STK39: variants seen among roughly 807,000 people sequenced by gnomAD.
STK39 encodes the protein STE20/SPS1-related proline-alanine-rich protein kinase.
A neutral mutation model predicts 77.8 loss-of-function variants in STK39; 20 were observed. That is an observed-to-expected ratio of 0.26 (90% CI 0.18 to 0.37). The LOEUF (loss-of-function observed/expected upper bound fraction) is 0.37, where lower values mean the gene tolerates loss of function less well. Among genes scored for constraint, STK39 ranks in the 10% least tolerant of loss-of-function variants. STK39 has a pLI of 1.00. For synonymous variants in STK39, 246 were observed against 234.1 expected, an observed-to-expected ratio of 1.05 and a Z score of -0.47; for missense variants, 479 against 656.5, an observed-to-expected ratio of 0.73 and a Z score of 2.95.
chr2:168,053,426 T>C (rs1409341840), intron 14 of STK39, among the ~76,000 whole-genome samples: 1 of 152,072 alleles, frequency 6.6e-6, no homozygotes, highest in Non-Finnish European at 1.5e-5. Context: ...TAGAAAAAAG[T>C]CTGGAAAAAT....
chr2:168,068,628 G>A (rs549161351), intron 12 of STK39, among the ~76,000 whole-genome samples: 2 of 152,304 alleles, frequency 1.3e-5, no homozygotes, highest in Admixed American at 6.5e-5. Context: ...TCTATAAATC[G>A]AAAATTATTC....
At chr2:168,118,692 C>T (rs548704783) in intron 10 of STK39, among the ~76,000 whole-genome samples, 7 of 151,768 alleles carry the variant, frequency 4.6e-5, no homozygotes, top group Non-Finnish European at 7.4e-5. Flanking sequence ...GCTCTTTCCT[C>T]TACCCTCACC....
intron 1 of STK39, among the ~76,000 whole-genome samples, chr2:168,246,169 G>A (rs1351503056): frequency 1.3e-5 from 2 of 152,052 alleles, no homozygotes; most frequent in Non-Finnish European, 2.9e-5. Flanking sequence ...CAAGATTCTG[G>A]AAAGGCAACA....
At chr2:167,972,546 C>T (rs74613032) in intron 16 of STK39, among the ~76,000 whole-genome samples, 5,848 of 152,160 alleles carry the variant, frequency 0.038, 406 homozygotes, top group African/African-American at 0.13. Flanking sequence ...TACTTTCTGG[C>T]ACCATAACTG....
intron 14 of STK39, among the ~76,000 whole-genome samples, chr2:168,049,710 C>T (rs1304626595): frequency 2.6e-5 from 4 of 152,196 alleles, no homozygotes; most frequent in Non-Finnish European, 5.9e-5. Context: ...GCAGTAAATG[C>T]TATCCATAAT....
intron 16 of STK39, among the ~76,000 whole-genome samples, chr2:167,974,106 T>C (rs1683198252): frequency 6.6e-6 from 1 of 152,186 alleles, no homozygotes; most frequent in South Asian, 2.1e-4. Context: ...TTTCATGTAA[T>C]ATTAAAAGAT....
intron 1 of STK39, among the ~76,000 whole-genome samples, chr2:168,182,772 G>A (rs116287837): frequency 0.024 from 3,580 of 152,150 alleles, 89 homozygotes; most frequent in East Asian, 0.076. Context: ...AATGATTTGC[G>A]GCAGAGCACA....
chr2:167,997,319 A>G lies in STK39; in HGVS notation c.1498+15315T>C, dbSNP rs140990260. 3.4e-3 allele frequency among the ~76,000 whole-genome samples: 514 copies of G among 152,012 alleles called. 3 individuals are homozygous for G. The highest frequency in any genetic ancestry group is 0.012 in the African/African-American group (479 of 41,418). ...TGGGGAAACTGCAGGGTGGCTTTAT[A>G]TTCTCTGACTGATACGGTATTTTGT... On this transcript the variant is annotated intron_variant, in intron 16 of 17. Transcript: ENST00000355999.
At chr2:168,006,413 T>C (rs1574385583) in intron 16 of STK39, among the ~76,000 whole-genome samples, 1 of 152,226 alleles carries the variant, frequency 6.6e-6, no homozygotes, top group African/African-American at 2.4e-5. Context: ...TTTTCTTTTG[T>C]ACATATGAAT....
chr2:168,246,216 C>T (rs1690895589), intron 1 of STK39, among the ~76,000 whole-genome samples: 1 of 152,116 alleles, frequency 6.6e-6, no homozygotes, highest in Non-Finnish European at 1.5e-5. Context: ...ACGCTGAGGG[C>T]CCACTTAACC....
rs186452201 is a variant in STK39, at chr2:167,954,346, C to T, written c.*1150G>A. ...ACTAGTTCCATAATATACAGTCAAG[C>T]AGAGGGCTACTTGGGTTGAAAGTAT... On this transcript the variant is annotated 3_prime_UTR_variant, in exon 18 of 18. Coordinates refer to ENST00000355999, the MANE Select transcript of STK39 (RefSeq NM_013233.3). 6.6e-6 allele frequency: 1 copy of T among 152,554 alleles called. No homozygotes were observed. The highest frequency in any genetic ancestry group is 6.5e-5 in the Admixed American group (1 of 15,276). 9.5% of individuals were successfully genotyped at this position (152,554 alleles called of 1,614,324 possible). A position where few individuals can be genotyped will look rare whatever the true frequency, so the allele number is the denominator to read the frequency against.
chr2:168,224,154 A>G (rs1447358806), intron 1 of STK39, among the ~76,000 whole-genome samples: 5 of 152,128 alleles, frequency 3.3e-5, no homozygotes, highest in Non-Finnish European at 7.3e-5. Context: ...AGAAAAGAGT[A>G]ATGAAAATTA....
intron 10 of STK39, among the ~76,000 whole-genome samples, chr2:168,107,669 C>A (rs1306008415): frequency 6.6e-6 from 1 of 152,214 alleles, no homozygotes; most frequent in Non-Finnish European, 1.5e-5. Flanking sequence ...CTCTGCTTCA[C>A]AGGTACACTG....
intron 8 of STK39, among the ~76,000 whole-genome samples, chr2:168,133,236 T>C (rs555774323): frequency 3.6e-4 from 55 of 152,254 alleles, no homozygotes; most frequent in Non-Finnish European, 5.7e-4. Context: ...AGCAAGGTCA[T>C]TGCCATGGTA....
chr2:168,229,474 A>T (rs897104956), intron 1 of STK39, among the ~76,000 whole-genome samples: 5 of 150,858 alleles, frequency 3.3e-5, no homozygotes, highest in African/African-American at 1.2e-4. Context: ...AACAAGAACT[A>T]AAAAAAATGA....
At chr2:168,203,650 T>A (rs1689666283) in intron 1 of STK39, among the ~76,000 whole-genome samples, 1 of 152,178 alleles carries the variant, frequency 6.6e-6, no homozygotes, top group South Asian at 2.1e-4. Context: ...TGGAGTACAG[T>A]GGTACAATCT....
chr2:168,236,356 T>A (rs1487362489), intron 1 of STK39, among the ~76,000 whole-genome samples: 2,560 of 152,292 alleles, frequency 0.017, 83 homozygotes, highest in African/African-American at 0.059. Context: ...TATTAGCCCT[T>A]TGTCAGATGA....
intron 10 of STK39, among the ~76,000 whole-genome samples, chr2:168,100,879 A>G (rs1686805259): frequency 6.6e-6 from 1 of 152,224 alleles, no homozygotes; most frequent in Non-Finnish European, 1.5e-5. Flanking sequence ...AGGATTATAA[A>G]TCATACTACT....
chr2:168,005,008 T>C (rs1000040230), intron 16 of STK39, among the ~76,000 whole-genome samples: 1 of 137,924 alleles, frequency 7.3e-6, no homozygotes, highest in African/African-American at 2.7e-5. Context: ...TTTTTTTTTT[T>C]TTTTTTTTTT....
Sources: allele counts gnomAD v4.1 joint callset (sites outside exome capture counted in the v4.1 genomes callset), GRCh38; gene constraint gnomAD v4.1.1; transcripts MANE v1.5; gene names NCBI Gene and HGNC (gene_info 2026-07-23, HGNC 2026-07-21).